Variants in SLC39A11 observed in about 807,000 individuals in gnomAD.
SLC39A11 encodes the protein solute carrier family 39 member 11, also known as zinc transporter ZIP11.
Under a neutral mutation model 36.1 loss-of-function variants are expected in SLC39A11, and 33 were observed. The ratio of observed to expected loss-of-function variants is 0.91; its 90% CI spans 0.69 to 1.22. The LOEUF is 1.22. SLC39A11 is among the 50% of genes most tolerant of loss of function. The pLI is 0.00. For synonymous variants in SLC39A11, 166 were observed against 170.3 expected (o/e 0.97, Z 0.20); for missense variants, 432 against 430.3 (o/e 1.00, Z -0.03).
chr17:72,824,170 G>C (rs1483542025), intron 6 of SLC39A11, among the ~76,000 whole-genome samples: 1 of 151,028 alleles, frequency 6.6e-6, no homozygotes, highest in Non-Finnish European at 1.5e-5. Flanking sequence ...TGGATCATAG[G>C]GTGGACTTCC....
chr17:72,713,380 T>A (rs1028291577), intron 7 of SLC39A11, among the ~76,000 whole-genome samples: 3 of 151,994 alleles, frequency 2.0e-5, no homozygotes, highest in Non-Finnish European at 4.4e-5. Context: ...AAGCAGGAGC[T>A]CCTCCTGCAC....
Position 73,081,642 on chromosome 17 carries a change from C to T in SLC39A11, c.147+3166G>A, listed in dbSNP as rs867450045. Among the ~76,000 whole-genome samples, 461 of 79,606 alleles carry T rather than the reference C, an allele frequency of 5.8e-3. 7 individuals are homozygous for T. The Admixed American group carries it at 0.063, about 11-fold the overall frequency. 52.2% of individuals were successfully genotyped at this position (79,606 alleles called of 152,430 possible). A position where few individuals can be genotyped will look rare whatever the true frequency, so the allele number is the denominator to read the frequency against. ...ATATATATATATACATACACACACA[C>T]ACACACACACACACACACACACACA... is the stretch of plus-strand genomic sequence containing the variant. On this transcript the variant is annotated intron_variant, in intron 3 of 9. Coordinates refer to ENST00000255559, the MANE Select transcript of SLC39A11 (RefSeq NM_139177.4).
chr17:72,728,548 T>A (rs1226930299), intron 7 of SLC39A11, among the ~76,000 whole-genome samples: 1 of 152,164 alleles, frequency 6.6e-6, no homozygotes, highest in African/African-American at 2.4e-5. Context: ...AGCCTTAAGA[T>A]TTCTCTGGCC....
intron 4 of SLC39A11, among the ~76,000 whole-genome samples, chr17:73,025,474 A>AC (rs1416383700): frequency 6.6e-6 from 1 of 152,260 alleles, no homozygotes; most frequent in South Asian, 2.1e-4. Context: ...AAACATATGT[A>AC]AAAGCACAGA....
intron 4 of SLC39A11, among the ~76,000 whole-genome samples, chr17:72,997,320 C>T (rs2089578512): frequency 6.6e-6 from 1 of 152,170 alleles, no homozygotes; most frequent in East Asian, 1.9e-4. Flanking sequence ...GTGGCATGAT[C>T]TCAGCTCACT....
At chr17:72,926,247 T>C (rs890284728) in intron 5 of SLC39A11, among the ~76,000 whole-genome samples, 16 of 152,270 alleles carry the variant, frequency 1.1e-4, no homozygotes, top group African/African-American at 3.6e-4. Flanking sequence ...CAGCCATGCT[T>C]TGAATGACAA....
At chr17:72,861,605 T>G (rs896371606) in intron 5 of SLC39A11, among the ~76,000 whole-genome samples, 2 of 143,406 alleles carry the variant, frequency 1.4e-5, no homozygotes, top group African/African-American at 5.2e-5. Context: ...ATGGATAAGA[T>G]ATATACACAC....
In SLC39A11 at chr17:72,649,970, A is replaced by G. The variant is rs79482647; in HGVS notation, c.672-702T>C. On this transcript the variant is annotated intron_variant, in intron 7 of 9. Coordinates refer to ENST00000255559, the MANE Select transcript of SLC39A11 (RefSeq NM_139177.4). ...GATTGCTGAGTGACCCAGTGACCCA[A>G]TAATGCCTATCACATCCTAGCATAG... 5.4e-3 allele frequency among the ~76,000 whole-genome samples: 820 copies of G among 152,366 alleles called. 8 individuals carry two copies. The highest frequency in any genetic ancestry group is 0.019 in the African/African-American group (776 of 41,582).
At chr17:72,954,019 A>C (rs2086067063) in intron 4 of SLC39A11, among the ~76,000 whole-genome samples, 1 of 152,176 alleles carries the variant, frequency 6.6e-6, no homozygotes, top group African/African-American at 2.4e-5. Flanking sequence ...TGGCCCATGA[A>C]GGGCAGTCTC....
At chr17:73,050,727 A>C (rs1174635720) in intron 3 of SLC39A11, among the ~76,000 whole-genome samples, 2 of 152,096 alleles carry the variant, frequency 1.3e-5, no homozygotes, top group African/African-American at 2.4e-5. Flanking sequence ...GGCCTCCCAA[A>C]GTGCTGGGAT....
chr17:72,922,697 G>C (rs1379656088), intron 5 of SLC39A11, among the ~76,000 whole-genome samples: 1 of 152,152 alleles, frequency 6.6e-6, no homozygotes, highest in Non-Finnish European at 1.5e-5. Flanking sequence ...GTCAGGCATG[G>C]TGGCTCATGC....
intron 4 of SLC39A11, among the ~76,000 whole-genome samples, chr17:72,980,287 A>T (rs1311731001): frequency 6.6e-6 from 1 of 152,212 alleles, no homozygotes; most frequent in Non-Finnish European, 1.5e-5. Context: ...ATGAAATAGG[A>T]GACCCCGTCT....
chr17:72,994,215 T>G (rs2089359668), intron 4 of SLC39A11, among the ~76,000 whole-genome samples: 1 of 152,146 alleles, frequency 6.6e-6, no homozygotes, highest in Non-Finnish European at 1.5e-5. Flanking sequence ...ATAAATATAT[T>G]CATATGGTGG....
chr17:72,781,069 C>A (rs1178329244), intron 6 of SLC39A11, among the ~76,000 whole-genome samples: 3 of 152,236 alleles, frequency 2.0e-5, no homozygotes, highest in Non-Finnish European at 2.9e-5. Flanking sequence ...GAGCTCTAAT[C>A]CCCAAACTGT....
At chr17:72,678,458 G>A (rs568919981) in intron 7 of SLC39A11, among the ~76,000 whole-genome samples, 2 of 152,210 alleles carry the variant, frequency 1.3e-5, no homozygotes, top group East Asian at 3.9e-4. Context: ...TGTAATCCTA[G>A]CACTTTGGGA....
chr17:72,793,747 T>G (rs1228864422), intron 6 of SLC39A11, among the ~76,000 whole-genome samples: 1 of 152,204 alleles, frequency 6.6e-6, no homozygotes, highest in Non-Finnish European at 1.5e-5. Flanking sequence ...TGCCTCTTGA[T>G]GTGCACATCG....
At chr17:72,847,016 C>T (rs924406788) in intron 6 of SLC39A11, among the ~76,000 whole-genome samples, 2 of 152,178 alleles carry the variant, frequency 1.3e-5, no homozygotes, top group Admixed American at 6.5e-5. Context: ...GCAGGGTCTT[C>T]CACCAAGGCT....
chr17:73,011,223 T>C (rs993368869), intron 4 of SLC39A11, among the ~76,000 whole-genome samples: 1 of 151,628 alleles, frequency 6.6e-6, no homozygotes, highest in African/African-American at 2.4e-5. Context: ...AGGAAGAGAG[T>C]CTGGCAAAAC....
rs558193911 is a variant in SLC39A11, at chr17:73,050,462, C to CTTTTTTTTTTTTTTT, written c.148-18763_148-18749dup. ...AGGAGCAGGGAGCCATGTGAACTGA[C>CTTTTTTTTTTTTTTT]TTTTTTTTTTTTTTTTTTTGAGACA... On this transcript the variant is annotated intron_variant, in intron 3 of 9. Transcript: ENST00000255559. Among the ~76,000 whole-genome samples the CTTTTTTTTTTTTTTT allele has an allele frequency of 1.2e-3, 146 of 124,294 alleles. 4 individuals carry two copies. Among genetic ancestry groups the CTTTTTTTTTTTTTTT allele is most frequent in the African/African-American group, 3.7e-3 (118 of 31,850 alleles). 81.5% of individuals were successfully genotyped at this position (124,294 alleles called of 152,430 possible). A position where few individuals can be genotyped will look rare whatever the true frequency, so the allele number is the denominator to read the frequency against.
Sources: allele counts gnomAD v4.1 joint callset (sites outside exome capture counted in the v4.1 genomes callset), GRCh38; gene constraint gnomAD v4.1.1; transcripts MANE v1.5; gene names NCBI Gene and HGNC (gene_info 2026-07-23, HGNC 2026-07-21).